The following IGF2BP1 variants were observed in gnomAD, a reference collection of about 807,000 sequenced individuals.
IGF2BP1 encodes the protein insulin like growth factor 2 mRNA binding protein 1.
IGF2BP1 carries 11 observed loss-of-function variants against 74.9 expected under a neutral mutation model. That is an observed-to-expected ratio of 0.15 (90% CI 0.09 to 0.24). IGF2BP1 has a LOEUF of 0.24. Among genes scored for constraint, IGF2BP1 ranks in the 10% least tolerant of loss-of-function variants. The pLI is 1.00. For missense variants in IGF2BP1, 440 were observed against 757.4 expected (o/e 0.58, Z 4.92); for synonymous variants, 287 against 281.8 (o/e 1.02, Z -0.18).
chr17:49,038,443 A>C lies in IGF2BP1; in HGVS notation c.677A>C (p.Gln226Pro), dbSNP rs1398927329. 2 of 1,508,750 alleles carry C rather than the reference A, an allele frequency of 1.3e-6. No homozygotes were observed. The highest frequency in any genetic ancestry group is 4.3e-5 in the Admixed American group (2 of 46,848). The allele number at this position is 1,508,750 out of a possible 1,614,324, so 93.5% of individuals were successfully genotyped here. The part of the protein sequence containing the change: ...ATIRNITKQT[Q>P]SKIDVHRKEN... ...ATCCGCAACATCACAAAACAGACCC[A>C]GTCCAAGTGAGTCTTGGCTCTTGGG... The change falls in exon 6 of 15, where the codon CAG (glutamine) becomes CCG (proline). Residue 226 changes from glutamine (Q) to proline (P), a missense_variant. Around this residue, in one of 5 missense-constraint regions of IGF2BP1, gnomAD observed 184 missense variants for 273.4 expected, o/e 0.67. Transcript: ENST00000290341.
chr17:49,026,671 T>TCCTTCCTGCCTTCCTGCCTTCCTG (rs58556952), intron 4 of IGF2BP1, among the ~76,000 whole-genome samples, 154 bp downstream of exon 4: 2 of 134,368 alleles, frequency 1.5e-5, no homozygotes, highest in South Asian at 2.6e-4. Flanking sequence ...CTTCCTGCCT[T>TCCTTCCTGCCTTCCTGCCTTCCTG]CCTTCCTGCC....
intron 2 of IGF2BP1, among the ~76,000 whole-genome samples, chr17:49,000,003 A>G (rs1210774263): frequency 6.6e-6 from 1 of 151,342 alleles, no homozygotes; most frequent in African/African-American, 2.4e-5. Flanking sequence ...TCTCTTCAGC[A>G]AAATGGGGTA....
At chr17:49,044,793 AACTG>A (rs1362957440) in intron 11 of IGF2BP1, among the ~76,000 whole-genome samples, 194 bp from the exon 12 acceptor site, 1 of 152,246 alleles carries the variant, frequency 6.6e-6, no homozygotes, top group Admixed American at 6.5e-5. Context: ...CAATCCTTCT[AACTG>A]ACCACCTCTG....
At chr17:49,017,102 A>G (rs1426112528) in intron 2 of IGF2BP1, among the ~76,000 whole-genome samples, 2 of 151,966 alleles carry the variant, frequency 1.3e-5, no homozygotes, top group Admixed American at 1.3e-4. Flanking sequence ...CCTTAGGGCA[A>G]CTTCCAGATG....
intron 2 of IGF2BP1, among the ~76,000 whole-genome samples, chr17:49,010,850 C>T (rs779274458): frequency 7.9e-5 from 12 of 151,480 alleles, no homozygotes; most frequent in Non-Finnish European, 1.0e-4. Context: ...AACTCAGGAA[C>T]GAAAATAGAG....
rs2042212568 is a variant in IGF2BP1 at position 49,055,163 on chromosome 17, A to AAC, written c.*5720_*5721insCA. The AAC allele has an allele frequency of 6.6e-6, 1 of 151,824 alleles. No individual in the cohort carries two copies. The highest frequency in any genetic ancestry group is 1.5e-5 in the Non-Finnish European group (1 of 67,938). The allele number at this position is 151,824 out of a possible 1,614,324, so 9.4% of individuals were successfully genotyped here. On this transcript the variant is annotated 3_prime_UTR_variant, in exon 15 of 15. Transcript: ENST00000290341. ...AAATTAAAAAAAAAAAAACCAAAAA[A>AAC]AAAAATTTTTTTTTAAAAGGGAGAC...
intron 2 of IGF2BP1, among the ~76,000 whole-genome samples, chr17:49,016,902 C>T (rs2041711802): frequency 6.6e-6 from 1 of 150,598 alleles, no homozygotes; most frequent in Admixed American, 6.6e-5. Flanking sequence ...GCCAGCTCCT[C>T]CTCCCCTCCC....
At chr17:49,045,491 C>T (rs1430779567) in intron 12 of IGF2BP1, among the ~76,000 whole-genome samples, 1 of 152,186 alleles carries the variant, frequency 6.6e-6, no homozygotes, top group Admixed American at 6.5e-5. Context: ...GCTCTCTGGG[C>T]CACTGGAGAG....
intron 13 of IGF2BP1, 116 bp from the exon 14 acceptor site, chr17:49,046,144 C>A: frequency 6.9e-7 from 1 of 1,457,856 alleles, no homozygotes; most frequent in Non-Finnish European, 9.5e-7. Flanking sequence ...GATTCTACTC[C>A]CCAAGCTCAG....
chr17:49,025,858 T>C lies in IGF2BP1; in HGVS notation c.285+192T>C, dbSNP rs1310837917. ...TCTTTTTCTTTCTTTCTTTTCTTTC[T>C]TTTTTTTTTTTTTTGAGATGGAGTT... On this transcript the variant is annotated intron_variant, in intron 3 of 14. Coordinates refer to ENST00000290341, the MANE Select transcript of IGF2BP1 (RefSeq NM_006546.4). 3.3e-4 allele frequency among the ~76,000 whole-genome samples: 23 copies of C among 70,544 alleles called. 1 individual carries two copies. The East Asian group carries it at 3.8e-3, about 12-fold the overall frequency. The allele number at this position is 70,544 out of a possible 152,430, so 46.3% of individuals were successfully genotyped here. A position where few individuals can be genotyped will look rare whatever the true frequency, so the allele number is the denominator to read the frequency against.
intron 2 of IGF2BP1, among the ~76,000 whole-genome samples, chr17:49,015,967 C>T (rs2041695954): frequency 6.6e-6 from 1 of 152,180 alleles, no homozygotes; most frequent in Non-Finnish European, 1.5e-5. Context: ...ACCCTTTCAC[C>T]CCACTAACAA....
chr17:49,009,210 G>A (rs574544957), intron 2 of IGF2BP1, among the ~76,000 whole-genome samples: 1 of 152,002 alleles, frequency 6.6e-6, no homozygotes, highest in East Asian at 2.0e-4. Context: ...TGTATTTTTA[G>A]TGGAGATGGG....
intron 2 of IGF2BP1, among the ~76,000 whole-genome samples, chr17:49,000,002 C>T (rs2143909350): frequency 6.6e-6 from 1 of 150,774 alleles, no homozygotes; most frequent in South Asian, 2.1e-4. Context: ...CTCTCTTCAG[C>T]AAAATGGGGT....
chr17:49,019,941 TATATATATTTATATACACAC>T (rs1256979015), intron 2 of IGF2BP1, among the ~76,000 whole-genome samples: 1 of 58,444 alleles, frequency 1.7e-5, no homozygotes, highest in African/African-American at 9.6e-5. Flanking sequence ...TATATATATA[TATATATATTTATATACACAC>T]ACACACACAC....
At chr17:49,014,834 C>A in intron 2 of IGF2BP1, 1 of 985,366 alleles carries the variant, frequency 1.0e-6, no homozygotes, top group Non-Finnish European at 1.2e-6. Flanking sequence ...TCTCATGGTG[C>A]GGTGGGAAGC....
At chr17:49,027,807 G>A (rs996502554) in intron 4 of IGF2BP1, among the ~76,000 whole-genome samples, 21 of 136,960 alleles carry the variant, frequency 1.5e-4, no homozygotes, top group African/African-American at 5.3e-4. Context: ...AGCAGAGATC[G>A]CGCCACTGCA....
intron 2 of IGF2BP1, among the ~76,000 whole-genome samples, chr17:49,021,394 T>G (rs923172491): frequency 6.6e-6 from 1 of 152,168 alleles, no homozygotes; most frequent in Admixed American, 6.5e-5. Flanking sequence ...GAATCACCCC[T>G]GGGCTTCTGG....
intron 5 of IGF2BP1, chr17:49,036,557 G>C (rs576214642): frequency 6.6e-6 from 1 of 152,298 alleles, no homozygotes; most frequent in African/African-American, 2.4e-5. Flanking sequence ...CAGCTCATTA[G>C]AAGAATTCCT....
At chr17:49,036,432 AT>A (rs2041988811) in intron 5 of IGF2BP1, 1 of 152,104 alleles carries the variant, frequency 6.6e-6, no homozygotes, top group Non-Finnish European at 1.5e-5. Context: ...TGGCACGCAA[AT>A]TTGTGAAGCG....
Sources: allele counts gnomAD v4.1 joint callset (sites outside exome capture counted in the v4.1 genomes callset), GRCh38; gene constraint gnomAD v4.1.1; regional missense constraint gnomAD v4.1.1; transcripts MANE v1.5; gene names NCBI Gene and HGNC (gene_info 2026-07-23, HGNC 2026-07-21).